Variants in ARID4B observed in about 807,000 individuals in gnomAD.
ARID4B encodes AT-rich interactive domain-containing protein 4B.
A neutral mutation model predicts 147.5 loss-of-function variants in ARID4B; 26 were observed. The observed-to-expected ratio is 0.18, with a 90% CI of 0.13 to 0.24. The LOEUF (loss-of-function observed/expected upper bound fraction) is 0.24. Among genes scored for constraint, ARID4B ranks in the 10% least tolerant of loss-of-function variants. The pLI, the probability that ARID4B is intolerant of heterozygous loss-of-function variation, is 1.00. For missense variants in ARID4B, 1,179 were observed against 1,511.5 expected (o/e 0.78, Z 3.65); for synonymous variants, 512 against 507.9 (o/e 1.01, Z -0.11).
intron 23 of ARID4B, among the ~76,000 whole-genome samples, chr1:235,169,239 TG>T (rs767214367): frequency 4.6e-4 from 70 of 150,690 alleles, no homozygotes; most frequent in African/African-American, 9.3e-4. Flanking sequence ...CGTTTTTTTT[TG>T]TTTGTTTGTT....
intron 7 of ARID4B, among the ~76,000 whole-genome samples, chr1:235,243,481 CTG>C (rs1669119398): frequency 6.6e-6 from 1 of 152,106 alleles, no homozygotes; most frequent in Non-Finnish European, 1.5e-5. Context: ...AAATAATGCG[CTG>C]TCTCTATGAA....
At chr1:235,236,840 A>ATATATATATATATATGTG (rs1668614289) in intron 8 of ARID4B, among the ~76,000 whole-genome samples, 1 of 29,648 alleles carries the variant, frequency 3.4e-5, no homozygotes, top group Non-Finnish European at 6.7e-5. Context: ...AAAAATATAT[A>ATATATATATATATATGTG]TATATATATA....
chr1:235,229,219 G>T lies in ARID4B; in HGVS notation c.897+12C>A, dbSNP rs530546721. ...TTTATAATTTTAAAAGGTATCAACTGTTTTCACTTACTTCTTCTTCACTGC... is the reference window on the plus strand; with the variant it reads ...TTTATAATTTTAAAAGGTATCAACTTTTTTCACTTACTTCTTCTTCACTGC... On this transcript the variant is annotated intron_variant, in intron 11 of 23. Transcript: ENST00000264183. The T allele has an allele frequency of 6.2e-7, 1 of 1,607,236 alleles. No homozygotes were observed. The highest frequency in any genetic ancestry group is 1.1e-5 in the South Asian group (1 of 89,602).
chr1:235,298,693 T>C (rs1412116588), intron 2 of ARID4B, among the ~76,000 whole-genome samples: 2 of 152,006 alleles, frequency 1.3e-5, no homozygotes, highest in African/African-American at 4.8e-5. Context: ...TATTTACATA[T>C]AGCGTTTCAT....
intron 8 of ARID4B, among the ~76,000 whole-genome samples, 179 bp from the exon 9 acceptor site, chr1:235,234,671 C>T (rs1668450688): frequency 6.6e-6 from 1 of 152,130 alleles, no homozygotes; most frequent in South Asian, 2.1e-4. Flanking sequence ...AATTGGCATC[C>T]TACATCCTTC....
intron 13 of ARID4B, among the ~76,000 whole-genome samples, chr1:235,221,884 C>CTTTTT (rs1370136402): frequency 5.1e-5 from 4 of 78,572 alleles, no homozygotes; most frequent in Non-Finnish European, 9.8e-5. Flanking sequence ...AGTCATTTGA[C>CTTTTT]TATTTTTTTT....
chr1:235,265,912 T>A (rs1373041404), intron 2 of ARID4B, among the ~76,000 whole-genome samples: 1 of 152,064 alleles, frequency 6.6e-6, no homozygotes, highest in Admixed American at 6.6e-5. Context: ...AGGCTATTAT[T>A]TTTACTTTAC....
intron 2 of ARID4B, among the ~76,000 whole-genome samples, chr1:235,293,288 A>G (rs996545388): frequency 2.6e-5 from 4 of 152,220 alleles, no homozygotes. Context: ...TATTTTAAAT[A>G]CTGATCATTA....
chr1:235,231,107 C>T lies in ARID4B; in HGVS notation c.742+6G>A. On this transcript the variant is annotated splice_donor_region_variant and intron_variant, in intron 10 of 23. Transcript: ENST00000264183. ...TACTTGTAATTTATTCCAAGATTAT[C>T]CTTACCTTGCTTTAAAACAGCATCA... The T allele has an allele frequency of 6.4e-7, 1 of 1,556,992 alleles. No individual in the cohort carries two copies. Among genetic ancestry groups the T allele is most frequent in the Non-Finnish European group, 8.7e-7 (1 of 1,148,328 alleles).
At chr1:235,177,626 G>C in intron 21 of ARID4B, 174 bp downstream of exon 21, 1 of 469,736 alleles carries the variant, frequency 2.1e-6, no homozygotes, top group Admixed American at 3.9e-5. Flanking sequence ...TTTTTTTTTT[G>C]TCTATTTTGT....
chr1:235,231,108 C>CT lies in ARID4B; in HGVS notation c.742+4dup. The stretch of plus-strand genomic sequence containing the variant: ...ACTTGTAATTTATTCCAAGATTATC[C>CT]TTACCTTGCTTTAAAACAGCATCAG... On this transcript the variant is annotated splice_donor_region_variant and intron_variant, in intron 10 of 23. Transcript: ENST00000264183. 6.4e-7 allele frequency: 1 copy of CT among 1,557,578 alleles called. No individual in the cohort carries two copies. Among genetic ancestry groups the CT allele is most frequent in the East Asian group, 2.3e-5 (1 of 43,680 alleles).
chr1:235,245,065 G>A (rs115944329), intron 7 of ARID4B, among the ~76,000 whole-genome samples: 2 of 152,302 alleles, frequency 1.3e-5, no homozygotes, highest in African/African-American at 2.4e-5. Context: ...ATTACAGATG[G>A]AGCAGGTCTT....
At chr1:235,243,479 C>T (rs1417067346) in intron 7 of ARID4B, among the ~76,000 whole-genome samples, 2 of 152,056 alleles carry the variant, frequency 1.3e-5, no homozygotes, top group Non-Finnish European at 2.9e-5. Context: ...CAAAATAATG[C>T]GCTGTCTCTA....
At chr1:235,194,517 T>A (rs1665353610) in intron 18 of ARID4B, among the ~76,000 whole-genome samples, 2 of 151,996 alleles carry the variant, frequency 1.3e-5, no homozygotes, top group South Asian at 4.1e-4. Flanking sequence ...TACGTTTAAA[T>A]TAAATACTAA....
At chr1:235,240,605 A>C in intron 7 of ARID4B, 154 bp from the exon 8 acceptor site, 2 of 705,980 alleles carry the variant, frequency 2.8e-6, no homozygotes, top group South Asian at 3.8e-5. Context: ...ATTTCTAAAA[A>C]ATAACAGCAA....
intron 11 of ARID4B, among the ~76,000 whole-genome samples, chr1:235,225,285 TAATC>T (rs1379103044): frequency 6.6e-6 from 1 of 152,226 alleles, no homozygotes; most frequent in Non-Finnish European, 1.5e-5. Context: ...CAAGCTTACA[TAATC>T]AGTAAAGTGG....
chr1:235,267,124 A>G (rs938304463), intron 2 of ARID4B, among the ~76,000 whole-genome samples: 2 of 152,218 alleles, frequency 1.3e-5, no homozygotes, highest in East Asian at 1.9e-4. Context: ...CCAGAAATAC[A>G]AAAATTAGCC....
intron 2 of ARID4B, among the ~76,000 whole-genome samples, chr1:235,306,844 G>A (rs1673605737): frequency 6.6e-6 from 1 of 152,004 alleles, no homozygotes; most frequent in Non-Finnish European, 1.5e-5. Flanking sequence ...TTTTGGTAGA[G>A]ACAGGGTTTC....
intron 2 of ARID4B, among the ~76,000 whole-genome samples, chr1:235,314,597 G>C (rs1021943255): frequency 5.3e-5 from 8 of 152,134 alleles, no homozygotes; most frequent in Non-Finnish European, 1.0e-4. Context: ...AGTAAATTAA[G>C]AGAGGGGACA....
Sources: allele counts gnomAD v4.1 joint callset (sites outside exome capture counted in the v4.1 genomes callset), GRCh38; gene constraint gnomAD v4.1.1; transcripts MANE v1.5; gene names NCBI Gene and HGNC (gene_info 2026-07-23, HGNC 2026-07-21).